Variants in ANXA10 observed in about 807,000 individuals in gnomAD.
ANXA10 encodes the protein annexin A10.
Under a neutral mutation model 53.5 loss-of-function variants are expected in ANXA10, and 49 were observed. That is an observed-to-expected ratio of 0.92 (90% CI 0.73 to 1.16). ANXA10 has a LOEUF of 1.16. Ranked by LOEUF, ANXA10 falls within the 50% of genes most tolerant of loss-of-function variation. ANXA10 has a pLI of 0.00. For synonymous variants in ANXA10, 131 were observed against 128.9 expected, an observed-to-expected ratio of 1.02 and a Z score of -0.11; for missense variants, 393 against 394.4, an observed-to-expected ratio of 1.00 and a Z score of 0.03.
intron 1 of ANXA10, among the ~76,000 whole-genome samples, chr4:168,121,810 TTTGTTTGGTTTTG>T (rs1219709704): frequency 2.6e-5 from 4 of 152,032 alleles, no homozygotes; most frequent in East Asian, 3.9e-4. Context: ...AGCTTTTTTG[TTTGTTTGGTTTTG>T]TTGTTTGGTT....
chr4:168,179,285 T>C lies in ANXA10; in HGVS notation c.697T>C (p.Tyr233His), dbSNP rs1237184250. 3 of 1,611,664 alleles carry C rather than the reference T, an allele frequency of 1.9e-6. No homozygotes were observed. In the Admixed American group the frequency reaches 5.0e-5, roughly 27 times the overall value. Residue 233 changes from tyrosine to histidine, a missense_variant, in exon 9 of 12, where the codon TAC (tyrosine) becomes CAC (histidine). Physicochemically the swap from Tyr to His is moderately conservative, Grantham distance 83. Coordinates refer to ENST00000359299, the MANE Select transcript of ANXA10 (RefSeq NM_007193.5). ...TGCCATTAATGAATGTTATGATGGA[T>C]ACTTTCAGGAGCTGCTGGTTGCAAT... ...VDAINECYDG[Y>H]FQELLVAIVL...
intron 3 of ANXA10, among the ~76,000 whole-genome samples, chr4:168,148,690 TA>T (rs1305017100): frequency 2.0e-5 from 3 of 152,204 alleles, no homozygotes; most frequent in Non-Finnish European, 4.4e-5. Context: ...AGTGTTTCTT[TA>T]GTTTTATTTG....
At chr4:168,159,364 T>C (rs1187237640) in intron 3 of ANXA10, among the ~76,000 whole-genome samples, 3 of 152,164 alleles carry the variant, frequency 2.0e-5, no homozygotes, top group Admixed American at 6.5e-5. Context: ...TCTTATGAAG[T>C]TTTTATTTTA....
At chr4:168,156,914 C>T (rs1578924322) in intron 3 of ANXA10, among the ~76,000 whole-genome samples, 2 of 152,186 alleles carry the variant, frequency 1.3e-5, no homozygotes, top group East Asian at 3.9e-4. Flanking sequence ...CAAACTCTTC[C>T]TCTTACCTAG....
rs544355990 is a variant in ANXA10, at chr4:168,173,254, G to A, written c.481-4486G>A. 3.9e-5 allele frequency among the ~76,000 whole-genome samples: 6 copies of A among 152,312 alleles called. No individual in the cohort carries two copies. In the South Asian group the frequency reaches 8.3e-4, roughly 21 times the overall value. ...TAAGGTAAGAAAAGCTAATGGGTAT[G>A]AGGGATAGACACAAGGCCAGTTGGT... On this transcript the variant is annotated intron_variant, in intron 6 of 11. Transcript: ENST00000359299.
chr4:168,182,523 C>A (rs1271786886), intron 10 of ANXA10, among the ~76,000 whole-genome samples: 1 of 148,386 alleles, frequency 6.7e-6, no homozygotes, highest in Non-Finnish European at 1.5e-5. Context: ...TTAGTAGAGA[C>A]GGGGTTTCAC....
intron 6 of ANXA10, among the ~76,000 whole-genome samples, chr4:168,169,570 A>C (rs907928340): frequency 6.6e-6 from 1 of 152,190 alleles, no homozygotes; most frequent in Non-Finnish European, 1.5e-5. Context: ...TCTCCGTCTC[A>C]AAGTCATCTT....
intron 3 of ANXA10, among the ~76,000 whole-genome samples, chr4:168,149,830 C>T (rs1008196917): frequency 6.6e-6 from 1 of 152,142 alleles, no homozygotes; most frequent in Admixed American, 6.5e-5. Context: ...GAGTGGTGAG[C>T]GTGAGCTTTC....
chr4:168,174,136 A>G (rs922953427), intron 6 of ANXA10, among the ~76,000 whole-genome samples: 12 of 152,096 alleles, frequency 7.9e-5, no homozygotes, highest in Admixed American at 7.9e-4. Context: ...TGGATGTGGG[A>G]CAAAAACTTG....
intron 3 of ANXA10, among the ~76,000 whole-genome samples, chr4:168,140,672 G>T (rs1305673052): frequency 4.6e-5 from 7 of 151,338 alleles, no homozygotes; most frequent in Non-Finnish European, 1.0e-4. Flanking sequence ...AAGCTGGAGT[G>T]CAATGGCGTG....
At chr4:168,171,325 T>C (rs542589052) in intron 6 of ANXA10, among the ~76,000 whole-genome samples, 9 of 152,302 alleles carry the variant, frequency 5.9e-5, no homozygotes, top group Non-Finnish European at 1.2e-4. Context: ...CTTTATGAGA[T>C]TCAGGTTTTT....
chr4:168,096,930 G>A (rs919904207), intron 1 of ANXA10, among the ~76,000 whole-genome samples: 945 of 37,590 alleles, frequency 0.025, 21 homozygotes, highest in African/African-American at 0.1. Flanking sequence ...ATATATATAT[G>A]TATGTATATG....
At chr4:168,148,662 T>C (rs1041210033) in intron 3 of ANXA10, among the ~76,000 whole-genome samples, 1 of 152,210 alleles carries the variant, frequency 6.6e-6, no homozygotes. Context: ...TAGTCATTAT[T>C]ATGCCATTGT....
intron 3 of ANXA10, among the ~76,000 whole-genome samples, chr4:168,147,134 T>C (rs1049579500): frequency 6.6e-6 from 1 of 152,230 alleles, no homozygotes; most frequent in Non-Finnish European, 1.5e-5. Context: ...TGCAAGACAC[T>C]GCAGGGTCCA....
At chr4:168,154,097 G>C (rs796405014) in intron 3 of ANXA10, among the ~76,000 whole-genome samples, 4 of 152,060 alleles carry the variant, frequency 2.6e-5, no homozygotes, top group African/African-American at 9.6e-5. Flanking sequence ...TTCAGCATTA[G>C]TACAAAAATA....
intron 1 of ANXA10, among the ~76,000 whole-genome samples, chr4:168,118,084 G>T (rs185716979): frequency 2.6e-5 from 4 of 152,082 alleles, no homozygotes; most frequent in Non-Finnish European, 4.4e-5. Flanking sequence ...ATCACTGCCG[G>T]AGATTCTTTT....
intron 1 of ANXA10, among the ~76,000 whole-genome samples, chr4:168,121,589 AAC>A (rs1410603251): frequency 1.3e-5 from 2 of 152,336 alleles, no homozygotes; most frequent in Admixed American, 6.5e-5. Flanking sequence ...TTTGATTAAA[AAC>A]ACATTATCAA....
chr4:168,171,558 A>C (rs867912397), intron 6 of ANXA10, among the ~76,000 whole-genome samples: 1 of 152,166 alleles, frequency 6.6e-6, no homozygotes, highest in African/African-American at 2.4e-5. Context: ...TAATTGGAGC[A>C]TAGGAGCCTT....
chr4:168,152,776 A>G (rs1265856787), intron 3 of ANXA10, among the ~76,000 whole-genome samples: 2 of 148,782 alleles, frequency 1.3e-5, no homozygotes, highest in African/African-American at 2.4e-5. Context: ...TTATGTAAAT[A>G]AAATATAACT....
Sources: gnomAD v4.1 joint callset for allele counts (sites outside exome capture counted in the v4.1 genomes callset) on GRCh38, gnomAD v4.1.1 for gene constraint, MANE v1.5 for transcripts, NCBI Gene and HGNC (gene_info 2026-07-23, HGNC 2026-07-21) for gene names.